Variants in AGA observed in about 807,000 individuals in gnomAD.
AGA encodes the protein aspartylglucosaminidase.
A neutral mutation model predicts 40.1 loss-of-function variants in AGA; 31 were observed. The observed-to-expected ratio is 0.77, with a 90% CI of 0.58 to 1.04. AGA has a LOEUF of 1.04. Ranked by LOEUF, AGA falls within the 50% of genes least tolerant of loss-of-function variation. AGA has a pLI of 0.00. For missense variants in AGA, 445 were observed against 435.4 expected, an observed-to-expected ratio of 1.02 and a Z score of -0.20; for synonymous variants, 148 against 144.0, an observed-to-expected ratio of 1.03 and a Z score of -0.20.
chr4:177,442,094 G>C (rs1376651736), intron 1 of AGA, among the ~76,000 whole-genome samples, 155 bp downstream of exon 1: 1 of 152,126 alleles, frequency 6.6e-6, no homozygotes, highest in Non-Finnish European at 1.5e-5. Context: ...AGCGGCGCTG[G>C]AGACTCGGGA....
rs373297315 is a variant in AGA, at chr4:177,442,183, C to A, written c.127+66G>T. On this transcript the variant is annotated intron_variant, in intron 1 of 8. Transcript: ENST00000264595. Reference sequence around the variant, plus strand: ...GCCCTGCCGGGTGACTGCAGCGGGGCGGGCTAGTCATCCCCACCCGCAAGC... The same window carrying A: ...GCCCTGCCGGGTGACTGCAGCGGGGAGGGCTAGTCATCCCCACCCGCAAGC... 1.9e-5 allele frequency: 30 copies of A among 1,599,284 alleles called. No individual in the cohort carries two copies. The African/African-American group carries it at 3.3e-4, about 18-fold the overall frequency.
chr4:177,433,157 G>GT (rs1736682456), intron 8 of AGA, 57 bp downstream of exon 8: 3 of 1,605,992 alleles, frequency 1.9e-6, no homozygotes, highest in Non-Finnish European at 2.6e-6. Context: ...TTTAAAAAGT[G>GT]TATGTTTTAG....
At chr4:177,440,107 T>A (rs976864939) in intron 2 of AGA, 166 bp downstream of exon 2, 40 of 772,044 alleles carry the variant, frequency 5.2e-5, no homozygotes, top group Non-Finnish European at 7.9e-5. Flanking sequence ...TTACTCTGAT[T>A]TTTTTTTTTC....
chr4:177,436,385 T>G lies in AGA; in HGVS notation c.623-34A>C, dbSNP rs780063830. 1.9e-6 allele frequency: 3 copies of G among 1,556,900 alleles called. No homozygotes were observed. In the South Asian group the frequency reaches 3.3e-5, roughly 17 times the overall value. ...TAAAAAAAAAAAATCACTGTAGGTGTATAAAGTTTACCTCAAATATAACCA... is the reference window on the plus strand; with the variant it reads ...TAAAAAAAAAAAATCACTGTAGGTGGATAAAGTTTACCTCAAATATAACCA... On this transcript the variant is annotated intron_variant, in intron 5 of 8. Transcript: ENST00000264595.
At chr4:177,439,780 C>A in intron 2 of AGA, 92 bp from the exon 3 acceptor site, 22 of 941,522 alleles carry the variant, frequency 2.3e-5, no homozygotes, top group Non-Finnish European at 3.8e-5. Context: ...TAGTGTTTTG[C>A]GGTTAAACTC....
chr4:177,434,877 A>C (rs1005514302), intron 6 of AGA, among the ~76,000 whole-genome samples: 2 of 150,620 alleles, frequency 1.3e-5, no homozygotes, highest in African/African-American at 4.9e-5. Context: ...ATAACAATAG[A>C]GTGCACATTT....
At chr4:177,434,963 G>A (rs6838643) in intron 6 of AGA, among the ~76,000 whole-genome samples, 43 of 151,632 alleles carry the variant, frequency 2.8e-4, no homozygotes, top group African/African-American at 8.9e-4. Flanking sequence ...CAATGGCATT[G>A]ATCTTGGCTC....
intron 6 of AGA, among the ~76,000 whole-genome samples, chr4:177,434,904 A>ATT (rs34327660): frequency 6.7e-4 from 99 of 148,354 alleles, no homozygotes; most frequent in South Asian, 1.3e-3. Flanking sequence ...TGCGAAGTAG[A>ATT]TTTTTTTTTT....
intron 5 of AGA, 131 bp downstream of exon 5, chr4:177,437,274 A>G: frequency 1.4e-6 from 1 of 724,406 alleles, no homozygotes; most frequent in Non-Finnish European, 2.4e-6. Context: ...AGATGGATCT[A>G]TCTATAGAGA....
intron 5 of AGA, 24 bp from the exon 6 acceptor site, chr4:177,436,375 A>T: frequency 6.3e-7 from 1 of 1,576,426 alleles, no homozygotes; most frequent in Non-Finnish European, 8.7e-7. Context: ...AAAAAAAATC[A>T]CTGTAGGTGT....
At chr4:177,442,164 C>T in intron 1 of AGA, 85 bp downstream of exon 1, 5 of 1,580,340 alleles carry the variant, frequency 3.2e-6, no homozygotes, top group Non-Finnish European at 4.3e-6. Flanking sequence ...GTCCGCCCTG[C>T]CGGGTGACTG....
intron 6 of AGA, among the ~76,000 whole-genome samples, chr4:177,435,357 T>C (rs1000647909): frequency 1.3e-5 from 2 of 152,220 alleles, no homozygotes; most frequent in South Asian, 2.1e-4. Flanking sequence ...ATAATTTTCA[T>C]TGTCATTAAA....
chr4:177,435,876 CCTT>C (rs1736799041), intron 6 of AGA, among the ~76,000 whole-genome samples: 1 of 151,220 alleles, frequency 6.6e-6, no homozygotes, highest in Non-Finnish European at 1.5e-5. Flanking sequence ...CACACACACC[CCTT>C]CTTTCCAAGC....
At chr4:177,436,494 T>C (rs1392404500) in intron 5 of AGA, 143 bp from the exon 6 acceptor site, 6 of 739,620 alleles carry the variant, frequency 8.1e-6, no homozygotes, top group Non-Finnish European at 1.4e-5. Context: ...TTCCACAAGG[T>C]GATGGTATCA....
Position 177,440,417 on chromosome 4 carries a change from G to A in AGA, c.137C>T (p.Ala46Val), listed in dbSNP as rs1736959857. Residue 46 changes from alanine (A) to valine (V), a missense_variant, in exon 2 of 9, where the codon GCA becomes GTA. Coordinates refer to ENST00000264595, the MANE Select transcript of AGA (RefSeq NM_000027.4). ...FKNATEAAWRALASGGSALDA... is the reference protein window; with the variant it reads ...FKNATEAAWRVLASGGSALDA... ...CAGGGCAGAGCCTCCAGATGCTAATGCCCTCCACGCTGTTAATCAAATCCC... is the reference window on the plus strand; with the variant it reads ...CAGGGCAGAGCCTCCAGATGCTAATACCCTCCACGCTGTTAATCAAATCCC... The A allele has an allele frequency of 1.2e-6, 2 of 1,613,728 alleles. No homozygotes were observed. The highest frequency in any genetic ancestry group is 2.2e-5 in the South Asian group (2 of 91,072).
In AGA at chr4:177,442,321, C is replaced by T. The variant is rs1454861916; in HGVS notation, c.55G>A (p.Ala19Thr). 3 of 1,614,006 alleles carry T rather than the reference C, an allele frequency of 1.9e-6. No homozygotes were observed. The African/African-American group carries it at 4.0e-5, about 22-fold the overall frequency. ...AGAGGGCTGGAGCAGCGCACTAGGG[C>T]CTGGCAGAGCAGAAACGGCACGAGA... ...VLLVPFLLCQALVRCSSPLPL... is the reference protein window; with the variant it reads ...VLLVPFLLCQTLVRCSSPLPL... Residue 19 changes from alanine to threonine, a missense_variant, in exon 1 of 9, where the codon GCC (alanine) becomes ACC (threonine). Coordinates refer to ENST00000264595, the MANE Select transcript of AGA (RefSeq NM_000027.4).
chr4:177,441,969 T>A (rs568695169), intron 1 of AGA, among the ~76,000 whole-genome samples: 2 of 152,090 alleles, frequency 1.3e-5, no homozygotes, highest in Non-Finnish European at 2.9e-5. Context: ...AGGCCATAAC[T>A]ATGGTCAGCA....
rs546875028 is a variant in AGA at position 177,431,994 on chromosome 4, G to C, written c.941-186C>G. 2.0e-5 allele frequency among the ~76,000 whole-genome samples: 3 copies of C among 152,308 alleles called. No homozygotes were observed. In the East Asian group the frequency reaches 5.8e-4, roughly 29 times the overall value. ...AACAGTCCATGAAAGGAATGAGGTA[G>C]CTGGTAAACTATCTCTTTGAACTTC... On this transcript the variant is annotated intron_variant, in intron 8 of 8. Transcript: ENST00000264595.
At chr4:177,442,047 T>C (rs1236044684) in intron 1 of AGA, among the ~76,000 whole-genome samples, 1 of 151,438 alleles carries the variant, frequency 6.6e-6, no homozygotes, top group African/African-American at 2.4e-5. Flanking sequence ...CAGCGGTAGG[T>C]GGGGAGGATG....
Sources: gnomAD v4.1 joint callset for allele counts (sites outside exome capture counted in the v4.1 genomes callset) on GRCh38, gnomAD v4.1.1 for gene constraint, MANE v1.5 for transcripts, NCBI Gene and HGNC (gene_info 2026-07-23, HGNC 2026-07-21) for gene names.